The following RBFOX1 variants were observed in gnomAD, a reference collection of about 807,000 sequenced individuals.
RBFOX1 encodes the protein RNA binding fox-1 homolog 1, also known as RNA binding protein fox-1 homolog 1.
Under a neutral mutation model 57.7 loss-of-function variants are expected in RBFOX1, and 8 were observed. The observed-to-expected ratio is 0.14, with a 90% CI of 0.08 to 0.25. RBFOX1 has a LOEUF of 0.25. Ranked by LOEUF, RBFOX1 falls within the 10% of genes least tolerant of loss-of-function variation. The pLI, the probability that RBFOX1 is intolerant of heterozygous loss-of-function variation, is 1.00. For synonymous variants in RBFOX1, 326 were observed against 222.4 expected (o/e 1.47, Z -4.15); for missense variants, 611 against 548.5 (o/e 1.11, Z -1.14).
chr16:6,443,230 G>A (rs1178820711), intron 2 of RBFOX1, among the ~76,000 whole-genome samples: 1 of 152,242 alleles, frequency 6.6e-6, no homozygotes, highest in South Asian at 2.1e-4. Context: ...AAGGTGTGAA[G>A]ATTTCTTTCC....
intron 4 of RBFOX1, among the ~76,000 whole-genome samples, chr16:7,415,754 T>A (rs758973707): frequency 6.6e-6 from 1 of 150,624 alleles, no homozygotes; most frequent in Non-Finnish European, 1.5e-5. Context: ...TTACGTTAAT[T>A]TTCCAGTGCA....
At chr16:5,429,849 G>T (rs928880565) in intron 1 of RBFOX1, among the ~76,000 whole-genome samples, 1 of 152,154 alleles carries the variant, frequency 6.6e-6, no homozygotes, top group African/African-American at 2.4e-5. Context: ...TAGGGGCTCC[G>T]GCTGTGTCAG....
rs150662266 is a variant in RBFOX1 at position 5,747,131 on chromosome 16, A to G, written c.319-120172A>G. On this transcript the variant is annotated intron_variant, in intron 3 of 19. Transcript: ENST00000641259. ...TTTGTCCAAGGCCTTTTCTGCATCTATTGAGATAATCATGTGGTTTTGGTG... is the reference window on the plus strand; with the variant it reads ...TTTGTCCAAGGCCTTTTCTGCATCTGTTGAGATAATCATGTGGTTTTGGTG... 2.3e-3 allele frequency among the ~76,000 whole-genome samples: 347 copies of G among 152,250 alleles called. 1 individual carries two copies. Among genetic ancestry groups the G allele is most frequent in the South Asian group, 6.2e-3 (30 of 4,820 alleles).
Position 6,019,890 on chromosome 16 carries a change from C to G in RBFOX1, c.-229C>G, listed in dbSNP as rs144510926. 1,282 of 1,535,072 alleles carry G rather than the reference C, an allele frequency of 8.4e-4. 10 individuals carry two copies. In the African/African-American group the frequency reaches 0.012, roughly 14 times the overall value. ...AGAAACCAGCACCCCCTTCCGCCGC[C>G]TCCAGCTTATGGTGAGTGTGGCTGG... On this transcript the variant is annotated 5_prime_UTR_variant, in exon 1 of 16. Coordinates refer to ENST00000550418, the MANE Select transcript of RBFOX1 (RefSeq NM_018723.4). The surrounding 1 kb of genome is among the most constrained non-coding windows in gnomAD (Gnocchi z 4.2).
intron 4 of RBFOX1, among the ~76,000 whole-genome samples, chr16:6,003,911 C>G (rs556802829): frequency 6.6e-6 from 1 of 152,190 alleles, no homozygotes; most frequent in Non-Finnish European, 1.5e-5. Flanking sequence ...GTCCACAAAT[C>G]TGGCTTTTCT....
At chr16:6,397,215 C>A (rs1047226662) in intron 2 of RBFOX1, among the ~76,000 whole-genome samples, 1 of 152,078 alleles carries the variant, frequency 6.6e-6, no homozygotes, top group African/African-American at 2.4e-5. Flanking sequence ...TAAAGACAAG[C>A]ACACCTAGTA....
chr16:6,928,901 A>G (rs1249739473), intron 3 of RBFOX1, among the ~76,000 whole-genome samples: 2 of 152,190 alleles, frequency 1.3e-5, no homozygotes, highest in Non-Finnish European at 2.9e-5. Context: ...GGAGCCCAGT[A>G]GAGCATCAGT....
chr16:6,976,899 A>C (rs1241290781), intron 3 of RBFOX1, among the ~76,000 whole-genome samples: 1 of 146,458 alleles, frequency 6.8e-6, no homozygotes, highest in Non-Finnish European at 1.5e-5. Context: ...TATATGGTGT[A>C]TATCATATAT....
chr16:7,325,587 C>G (rs182400779), intron 4 of RBFOX1, among the ~76,000 whole-genome samples: 4 of 152,160 alleles, frequency 2.6e-5, no homozygotes, highest in African/African-American at 9.7e-5. Flanking sequence ...GATGTGACTT[C>G]TCTTCTCCGG....
intron 3 of RBFOX1, among the ~76,000 whole-genome samples, chr16:5,813,722 A>C (rs1011086739): frequency 1.3e-5 from 2 of 152,228 alleles, no homozygotes; most frequent in African/African-American, 4.8e-5. Flanking sequence ...CTGATATATC[A>C]TGCTCTTAGC....
intron 5 of RBFOX1, among the ~76,000 whole-genome samples, chr16:7,542,803 C>G (rs1186401840): frequency 5.9e-5 from 5 of 85,382 alleles, no homozygotes; most frequent in East Asian, 2.4e-4. Flanking sequence ...GGAGGCAAGA[C>G]TGTCTGAGGA....
chr16:6,660,832 A>C (rs562244163), intron 3 of RBFOX1, among the ~76,000 whole-genome samples: 1 of 152,166 alleles, frequency 6.6e-6, no homozygotes, highest in Non-Finnish European at 1.5e-5. Context: ...ATTTTATCAA[A>C]TGAGGCCCTG....
rs1036327004 is a variant in RBFOX1 at position 6,952,752 on chromosome 16, C to T, written c.-15-99305C>T. On this transcript the variant is annotated intron_variant, in intron 3 of 15. Coordinates refer to ENST00000550418, the MANE Select transcript of RBFOX1 (RefSeq NM_018723.4). ...CAGCACTTTGGGAATCTGAAGCGGG[C>T]GGATCACGAGGTCAGGAGTTTGACA... Among the ~76,000 whole-genome samples the T allele has an allele frequency of 4.6e-5, 7 of 152,142 alleles. No individual in the cohort carries two copies. In the East Asian group the frequency reaches 1.2e-3, roughly 25 times the overall value.
At chr16:7,649,211 T>C (rs955839990) in intron 11 of RBFOX1, among the ~76,000 whole-genome samples, 2 of 152,090 alleles carry the variant, frequency 1.3e-5, no homozygotes, top group African/African-American at 4.8e-5. Flanking sequence ...CTTGTTTATA[T>C]AGGATAAAAA....
intron 4 of RBFOX1, among the ~76,000 whole-genome samples, chr16:7,293,047 C>G (rs543718238): frequency 6.6e-6 from 1 of 152,258 alleles, no homozygotes; most frequent in South Asian, 2.1e-4. Context: ...ACAGTTTAAT[C>G]AAAGTCGAGG....
Position 5,815,018 on chromosome 16 carries a change from C to G in RBFOX1, c.319-52285C>G, listed in dbSNP as rs141189621. On this transcript the variant is annotated intron_variant, in intron 3 of 19. Coordinates refer to the RBFOX1 transcript ENST00000641259. ...TTTTTTTTTTAAATGAGGTCTCACT[C>G]TGTTACCCAGGCTGAAGTGCAGTGG... Among the ~76,000 whole-genome samples the G allele has an allele frequency of 1.6e-4, 25 of 151,658 alleles. No homozygotes were observed. In the East Asian group the frequency reaches 4.3e-3, roughly 26 times the overall value.
intron 3 of RBFOX1, among the ~76,000 whole-genome samples, chr16:5,842,408 C>T (rs2151848921): frequency 6.6e-6 from 1 of 152,290 alleles, no homozygotes; most frequent in Admixed American, 6.5e-5. Context: ...CCATTTAAAT[C>T]CCTGAGTGTT....
chr16:5,986,989 G>A (rs902831256), intron 4 of RBFOX1, among the ~76,000 whole-genome samples: 4 of 152,138 alleles, frequency 2.6e-5, no homozygotes, highest in African/African-American at 9.7e-5. Context: ...CATTCCTAGT[G>A]GCATTGTATG....
At chr16:7,321,906 G>T (rs2096550403) in intron 4 of RBFOX1, among the ~76,000 whole-genome samples, 1 of 152,144 alleles carries the variant, frequency 6.6e-6, no homozygotes, top group Non-Finnish European at 1.5e-5. Flanking sequence ...AGACCATCTT[G>T]CAGCAGTCAG....
Sources: allele counts gnomAD v4.1 joint callset (sites outside exome capture counted in the v4.1 genomes callset), GRCh38; gene constraint gnomAD v4.1.1; non-coding constraint Gnocchi (gnomAD v3.1); transcripts MANE v1.5; gene names NCBI Gene and HGNC (gene_info 2026-07-23, HGNC 2026-07-21).